DUOX1: variants seen among roughly 807,000 people sequenced by gnomAD.
DUOX1 encodes dual oxidase 1, also known as NADPH thyroid oxidase 1.
DUOX1 carries 134 observed loss-of-function variants against 181.8 expected under a neutral mutation model. That is an observed-to-expected ratio of 0.74 (90% confidence interval 0.64 to 0.85). The LOEUF is 0.85. DUOX1 is among the 40% of genes least tolerant of loss of function. DUOX1 has a pLI of 0.00. For missense variants in DUOX1, 1,814 were observed against 2,064.4 expected (o/e 0.88, Z 2.35); for synonymous variants, 798 against 832.5 (o/e 0.96, Z 0.71).
intron 28 of DUOX1, among the ~76,000 whole-genome samples, chr15:45,158,937 C>G (rs1897031506): frequency 6.6e-6 from 1 of 152,084 alleles, no homozygotes; most frequent in Non-Finnish European, 1.5e-5. Context: ...TAGGAGTTCA[C>G]TGAAGGGAGT....
In DUOX1 at chr15:45,144,241, G is replaced by T. The variant is rs1383072192; in HGVS notation, c.2136+6G>T. On this transcript the variant is annotated splice_donor_region_variant and intron_variant, in intron 17 of 33. Coordinates refer to ENST00000389037, the MANE Select transcript of DUOX1 (RefSeq NM_175940.3). Reference sequence around the variant, plus strand: ...TCCCCAAGGAGTATGACCTGGTATGGCTCAGCTGGCATCTGGCTCCTTGTC... The same window carrying T: ...TCCCCAAGGAGTATGACCTGGTATGTCTCAGCTGGCATCTGGCTCCTTGTC... 6.2e-7 allele frequency: 1 copy of T among 1,613,782 alleles called. No homozygotes were observed. Among genetic ancestry groups the T allele is most frequent in the East Asian group, 2.2e-5 (1 of 44,892 alleles).
chr15:45,141,982 C>T lies in DUOX1; in HGVS notation c.1692C>T (p.Pro564=). ...PNVFVWHKGD[P]CPQPRQLSTE... is the part of the protein sequence containing the mutation. Reference sequence around the variant, plus strand: ...CTTCCTCTGCCTTCCCAGGAGACCCCTGTCCGCAGCCGAGACAGCTCAGCA... The same window carrying T: ...CTTCCTCTGCCTTCCCAGGAGACCCTTGTCCGCAGCCGAGACAGCTCAGCA... The change falls in exon 15 of 34, where the codon CCC becomes CCT. Residue 564 remains proline (P), a synonymous_variant. Transcript: ENST00000389037. The T allele has an allele frequency of 6.2e-7, 1 of 1,611,528 alleles. No homozygotes were observed. Among genetic ancestry groups the T allele is most frequent in the Non-Finnish European group, 8.5e-7 (1 of 1,179,078 alleles).
rs1393977125 is a variant in DUOX1 at position 45,160,995 on chromosome 15, C to T, written c.3856+5C>T. 6.2e-7 allele frequency: 1 copy of T among 1,614,034 alleles called. No homozygotes were observed. Among genetic ancestry groups the T allele is most frequent in the East Asian group, 2.2e-5 (1 of 44,870 alleles). On this transcript the variant is annotated splice_donor_5th_base_variant and intron_variant, in intron 29 of 33. Coordinates refer to ENST00000389037, the MANE Select transcript of DUOX1 (RefSeq NM_175940.3). ...AGGCGGAGCTGCTGCCCTCAGGTAC[C>T]AGCCTGGCAGGAGATCAGCTTGGTG...
intron 10 of DUOX1, chr15:45,138,808 C>G: frequency 4.3e-6 from 2 of 468,970 alleles, no homozygotes; most frequent in South Asian, 6.7e-5. Flanking sequence ...ACCACACTGT[C>G]AAGTATCCCA....
intron 28 of DUOX1, 88 bp from the exon 29 acceptor site, chr15:45,160,749 G>T: frequency 7.2e-7 from 1 of 1,391,240 alleles, no homozygotes; most frequent in Non-Finnish European, 9.3e-7. Context: ...ATACCAGCGG[G>T]GAAGTATGGA....
intron 27 of DUOX1, 140 bp from the exon 28 acceptor site, chr15:45,155,662 G>C (rs147121600): frequency 3.3e-5 from 39 of 1,165,466 alleles, no homozygotes; most frequent in Non-Finnish European, 4.5e-5. Flanking sequence ...AGTGGTGTTG[G>C]GGGAGAGGAC....
chr15:45,160,801 T>C, intron 28 of DUOX1, 36 bp from the exon 29 acceptor site: 1 of 1,568,882 alleles, frequency 6.4e-7, no homozygotes, highest in Non-Finnish European at 8.7e-7. Flanking sequence ...GCTATGGGCA[T>C]CGCTAGGTCT....
At chr15:45,134,865 T>G (rs1047929568) in intron 4 of DUOX1, among the ~76,000 whole-genome samples, 2 of 152,092 alleles carry the variant, frequency 1.3e-5, no homozygotes, top group Non-Finnish European at 2.9e-5. Context: ...ACAGGGCACC[T>G]CCCAGTTACC....
intron 19 of DUOX1, 111 bp downstream of exon 19, chr15:45,147,769 C>T (rs1190232781): frequency 6.4e-7 from 1 of 1,554,006 alleles, no homozygotes; most frequent in East Asian, 2.3e-5. Flanking sequence ...AGTGCCCAGG[C>T]CGAGGTCAGG....
chr15:45,152,864 C>T, intron 25 of DUOX1: 1 of 412,634 alleles, frequency 2.4e-6, no homozygotes, highest in Non-Finnish European at 4.5e-6. Context: ...TTCAGACTCA[C>T]ATGGTTGCGC....
At chr15:45,142,767 A>AAG (rs1896535782) in intron 15 of DUOX1, among the ~76,000 whole-genome samples, 50 of 115,234 alleles carry the variant, frequency 4.3e-4, no homozygotes, top group African/African-American at 7.5e-4. Context: ...AAGGAAGGAA[A>AAG]GAAGGAAGGA....
intron 9 of DUOX1, among the ~76,000 whole-genome samples, chr15:45,137,561 C>G (rs190387187): frequency 6.6e-6 from 1 of 151,792 alleles, no homozygotes. Flanking sequence ...TATTCATAGA[C>G]AAGTAGTTTC....
chr15:45,152,552 C>T, intron 25 of DUOX1, 36 bp downstream of exon 25: 1 of 1,574,486 alleles, frequency 6.4e-7, no homozygotes, highest in Non-Finnish European at 8.7e-7. Flanking sequence ...CTCTCCAGGG[C>T]CTCCCGCCCC....
chr15:45,161,122 A>T, intron 29 of DUOX1, 132 bp downstream of exon 29: 1 of 1,392,564 alleles, frequency 7.2e-7, no homozygotes, highest in South Asian at 1.4e-5. Context: ...GGGACAAAGG[A>T]GCTGGTAGGG....
Position 45,139,167 on chromosome 15 carries a change from G to A in DUOX1, c.1215G>A (p.Arg405=), listed in dbSNP as rs1295826970. 6.2e-7 allele frequency: 1 copy of A among 1,614,178 alleles called. No homozygotes were observed. Among genetic ancestry groups the A allele is most frequent in the Non-Finnish European group, 8.5e-7 (1 of 1,180,052 alleles). Reference sequence around the variant, plus strand: ...ACCATGTGTTGGTTGAAGATGTGCGGGGTGAGTCTGAGGCTGTCCCTGCAG... The same window carrying A: ...ACCATGTGTTGGTTGAAGATGTGCGAGGTGAGTCTGAGGCTGTCCCTGCAG... ...REDHVLVEDV[R]DFWPGPLKFS... is the part of the protein sequence containing the mutation. The change falls in exon 11 of 34, where the codon CGG becomes CGA. Residue 405 remains arginine (R), a splice_region_variant and synonymous_variant. Coordinates refer to ENST00000389037, the MANE Select transcript of DUOX1 (RefSeq NM_175940.3).
At chr15:45,156,517 C>A (rs1896973257) in intron 28 of DUOX1, among the ~76,000 whole-genome samples, 1 of 152,196 alleles carries the variant, frequency 6.6e-6, no homozygotes, top group Admixed American at 6.5e-5. Flanking sequence ...ACAGCAACCA[C>A]CGCCTTCCGG....
rs374732360 is a variant in DUOX1 at position 45,139,409 on chromosome 15, C to G, written c.1217-18C>G. On this transcript the variant is annotated intron_variant, in intron 11 of 33. Transcript: ENST00000389037. ...GTGGCCCTGAGCTCCCTCAGACTGT[C>G]TGGTATCTTGTCTCCAGATTTCTGG... is the stretch of plus-strand genomic sequence containing the variant. 3.1e-6 allele frequency: 5 copies of G among 1,611,220 alleles called. No homozygotes were observed. Among genetic ancestry groups the G allele is most frequent in the Non-Finnish European group, 4.2e-6 (5 of 1,179,196 alleles).
rs1371821109 is a variant in DUOX1, at chr15:45,153,391, G to A, written c.3436G>A (p.Val1146Met). 4.3e-6 allele frequency: 7 copies of A among 1,614,026 alleles called. No individual in the cohort carries two copies. The Admixed American group carries it at 8.3e-5, about 19-fold the overall frequency. ...CTGCTCTTCCTTAGTCTTACACAGT[G>A]TGGGCCATGTGGTGAATGTGTACCT... ...TAIVLTVLHSVGHVVNVYLFS... is the reference protein window; with the variant it reads ...TAIVLTVLHSMGHVVNVYLFS... The change falls in exon 26 of 34, where the codon GTG becomes ATG. Residue 1146 changes from valine to methionine, a missense_variant. Physicochemically the swap from Val to Met is conservative, Grantham distance 21. Around this residue, in one of 5 missense-constraint regions of DUOX1, gnomAD observed 1,064 missense variants for 1,152.9 expected, o/e 0.92. Coordinates refer to ENST00000389037, the MANE Select transcript of DUOX1 (RefSeq NM_175940.3).
intron 28 of DUOX1, among the ~76,000 whole-genome samples, chr15:45,156,723 G>T (rs1044860638): frequency 6.6e-6 from 1 of 152,096 alleles, no homozygotes; most frequent in East Asian, 1.9e-4. Flanking sequence ...GAGCCACCGC[G>T]CCAGGCCAAT....
Sources: allele counts gnomAD v4.1 joint callset (sites outside exome capture counted in the v4.1 genomes callset), GRCh38; gene constraint gnomAD v4.1.1; regional missense constraint gnomAD v4.1.1; transcripts MANE v1.5; gene names NCBI Gene and HGNC (gene_info 2026-07-23, HGNC 2026-07-21).